Variants in KCNIP1 observed in about 807,000 individuals in gnomAD.
KCNIP1 encodes the protein A-type potassium channel modulatory protein KCNIP1.
In KCNIP1, 18 loss-of-function variants were observed where a neutral mutation model predicts 33.0. The observed-to-expected ratio is 0.55, with a 90% CI of 0.38 to 0.81. The LOEUF is 0.81. Ranked by LOEUF, KCNIP1 falls within the 30% of genes least tolerant of loss-of-function variation. The probability of loss-of-function intolerance (pLI) is 0.00; values close to 1 mark genes in which losing one functional copy is unlikely to be tolerated. For missense variants in KCNIP1, 238 were observed against 271.6 expected (o/e 0.88, Z 0.87); for synonymous variants, 93 against 98.3 (o/e 0.95, Z 0.32).
intron 1 of KCNIP1, among the ~76,000 whole-genome samples, chr5:170,368,516 G>A (rs1162120325): frequency 6.6e-6 from 1 of 152,150 alleles, no homozygotes; most frequent in Non-Finnish European, 1.5e-5. Context: ...GCCCGCCTCA[G>A]CCTCCCAAAG....
chr5:170,603,611 TGGAG>T (rs141774669), intron 1 of KCNIP1, among the ~76,000 whole-genome samples: 2,340 of 151,518 alleles, frequency 0.015, 73 homozygotes, highest in African/African-American at 0.055. Flanking sequence ...GAGGAGGCAG[TGGAG>T]GGATGGGAGG....
intron 1 of KCNIP1, among the ~76,000 whole-genome samples, chr5:170,465,089 A>C (rs1471273182): frequency 3.3e-5 from 5 of 152,228 alleles, no homozygotes; most frequent in African/African-American, 1.2e-4. Flanking sequence ...TCCTTCAGGA[A>C]CATGAGCACT....
In KCNIP1 at chr5:170,444,699, T is replaced by A. The variant is rs867822213; in HGVS notation, c.88+90735T>A. On this transcript the variant is annotated intron_variant, in intron 1 of 7. Coordinates refer to the KCNIP1 transcript ENST00000377360. ...CTACAAATTATATTTTTTCTTTTTT[T>A]AAAAAAAAAAAAAAACCTTCTTCCC... Among the ~76,000 whole-genome samples the A allele has an allele frequency of 5.7e-3, 835 of 146,318 alleles. 6 individuals are homozygous for A. Among genetic ancestry groups the A allele is most frequent in the East Asian group, 0.019 (96 of 5,038 alleles).
At chr5:170,523,355 T>C (rs904382116) in intron 1 of KCNIP1, among the ~76,000 whole-genome samples, 1 of 152,220 alleles carries the variant, frequency 6.6e-6, no homozygotes, top group Non-Finnish European at 1.5e-5. Flanking sequence ...GCCGATGCTT[T>C]CTGCCAGGCA....
At chr5:170,589,505 C>T (rs567865939) in intron 1 of KCNIP1, among the ~76,000 whole-genome samples, 58 of 152,180 alleles carry the variant, frequency 3.8e-4, no homozygotes, top group African/African-American at 1.2e-3. Flanking sequence ...TCCCTGTCCT[C>T]GACACAAACA....
chr5:170,640,351 C>A (rs868408627), intron 1 of KCNIP1, among the ~76,000 whole-genome samples: 37 of 152,104 alleles, frequency 2.4e-4, no homozygotes, highest in Admixed American at 7.2e-4. Flanking sequence ...TCAACCCAGC[C>A]CCGTGCTAGA....
chr5:170,724,309 A>C (rs1205623358), intron 5 of KCNIP1, among the ~76,000 whole-genome samples: 1 of 152,152 alleles, frequency 6.6e-6, no homozygotes, highest in Non-Finnish European at 1.5e-5. Flanking sequence ...CAAACCAAAG[A>C]AAAAAAGGTC....
chr5:170,530,761 T>C (rs1293025226), intron 1 of KCNIP1, among the ~76,000 whole-genome samples: 1 of 152,188 alleles, frequency 6.6e-6, no homozygotes, highest in Non-Finnish European at 1.5e-5. Context: ...AGGGTCCACC[T>C]GAGGATGTGG....
intron 1 of KCNIP1, among the ~76,000 whole-genome samples, chr5:170,629,446 G>T (rs944178024): frequency 2.0e-5 from 3 of 152,236 alleles, no homozygotes; most frequent in African/African-American, 7.2e-5. Flanking sequence ...TGATGGAGTT[G>T]GTCAGCAACC....
upstream of KCNIP1, among the ~76,000 whole-genome samples, chr5:170,500,859 T>G (rs1277719102): frequency 6.6e-6 from 1 of 152,210 alleles, no homozygotes; most frequent in African/African-American, 2.4e-5. Flanking sequence ...GAATATTTGT[T>G]GAATAAATAA....
At chr5:170,364,847 CA>C (rs562745166) in intron 1 of KCNIP1, among the ~76,000 whole-genome samples, 3 of 152,190 alleles carry the variant, frequency 2.0e-5, no homozygotes, top group Admixed American at 6.5e-5. Context: ...CTGATTATCA[CA>C]GTCAAGCTAA....
At position 170,488,252 on chromosome 5, in the gene KCNIP1, G is replaced by A. The variant is rs969340765; in HGVS notation, c.88+134288G>A. Reference sequence around the variant, plus strand: ...TTGTGTTTCCGGGAAGAGAGTTCAGGGTTTCATCAGATCTTCAAAAGGATC... The same window carrying A: ...TTGTGTTTCCGGGAAGAGAGTTCAGAGTTTCATCAGATCTTCAAAAGGATC... On this transcript the variant is annotated intron_variant, in intron 1 of 7. Coordinates refer to the KCNIP1 transcript ENST00000377360. 6.6e-5 allele frequency among the ~76,000 whole-genome samples: 10 copies of A among 152,210 alleles called. No individual in the cohort carries two copies. The East Asian group carries it at 9.7e-4, about 15-fold the overall frequency.
chr5:170,503,587 C>T (rs1167691577), upstream of KCNIP1, among the ~76,000 whole-genome samples: 1 of 151,822 alleles, frequency 6.6e-6, no homozygotes, highest in Non-Finnish European at 1.5e-5. Flanking sequence ...TGTTTTTCAC[C>T]CCTTTCTGGG....
At chr5:170,713,561 G>T (rs149586443) in intron 1 of KCNIP1, among the ~76,000 whole-genome samples, 1 of 152,330 alleles carries the variant, frequency 6.6e-6, no homozygotes, top group African/African-American at 2.4e-5. Context: ...AAAATTGTCA[G>T]ATAATCCCAT....
At chr5:170,638,264 T>C (rs1374770892) in intron 1 of KCNIP1, among the ~76,000 whole-genome samples, 4 of 151,982 alleles carry the variant, frequency 2.6e-5, no homozygotes, top group East Asian at 1.9e-4. Context: ...TTGCCAGGTG[T>C]GTCTTGGGCA....
At chr5:170,435,150 T>C (rs6555898) in intron 1 of KCNIP1, among the ~76,000 whole-genome samples, 119,655 of 152,150 alleles carry the variant, frequency 0.79, 47,601 homozygotes, top group African/African-American at 0.9. Context: ...CCCTGGCCAG[T>C]TGCAGCCAGT....
intron 1 of KCNIP1, among the ~76,000 whole-genome samples, chr5:170,461,324 T>C (rs1756496099): frequency 6.6e-6 from 1 of 152,080 alleles, no homozygotes; most frequent in African/African-American, 2.4e-5. Context: ...AAAATTCACA[T>C]GGAAGCAAAA....
intron 1 of KCNIP1, among the ~76,000 whole-genome samples, chr5:170,534,029 A>C (rs1023010008): frequency 2.6e-5 from 4 of 152,204 alleles, no homozygotes; most frequent in African/African-American, 9.7e-5. Flanking sequence ...GTCCCCATAG[A>C]GGTGATAAAG....
intron 1 of KCNIP1, among the ~76,000 whole-genome samples, chr5:170,650,755 A>G (rs148998899): frequency 3.9e-5 from 6 of 152,226 alleles, no homozygotes; most frequent in Non-Finnish European, 4.4e-5. Context: ...AGGATTTTCC[A>G]AAGTAGATGT....
Sources: allele counts gnomAD v4.1 joint callset (sites outside exome capture counted in the v4.1 genomes callset), GRCh38; gene constraint gnomAD v4.1.1; transcripts MANE v1.5; gene names NCBI Gene and HGNC (gene_info 2026-07-23, HGNC 2026-07-21).